FRMD4B: variants seen among roughly 807,000 people sequenced by gnomAD.
FRMD4B encodes FERM domain containing 4B.
FRMD4B carries 74 observed loss-of-function variants against 141.5 expected under a neutral mutation model. The observed-to-expected ratio is 0.52, with a 90% CI of 0.43 to 0.63. The LOEUF (loss-of-function observed/expected upper bound fraction) is 0.63. Ranked by LOEUF, FRMD4B falls within the 30% of genes least tolerant of loss-of-function variation. The probability of loss-of-function intolerance (pLI) is 0.00; values close to 1 mark genes in which losing one functional copy is unlikely to be tolerated. For synonymous variants in FRMD4B, 506 were observed against 467.9 expected (o/e 1.08, Z -1.05); for missense variants, 1,366 against 1,253.4 (o/e 1.09, Z -1.36).
At chr3:69,474,875 G>A (rs1410356697) in intron 1 of FRMD4B, among the ~76,000 whole-genome samples, 1 of 152,136 alleles carries the variant, frequency 6.6e-6, no homozygotes, top group Non-Finnish European at 1.5e-5. Context: ...GCTATCAAAG[G>A]GGAAAGAGAG....
At chr3:69,197,116 G>T in intron 12 of FRMD4B, 78 bp from the exon 13 acceptor site, 1 of 1,214,630 alleles carries the variant, frequency 8.2e-7, no homozygotes, top group Non-Finnish European at 1.2e-6. Context: ...GAGCAGCATT[G>T]TAACAAAGCA....
rs1015649797 is a variant in FRMD4B at position 69,180,594 on chromosome 3, CAAAAACA to C, written c.2851+298_2851+304del. Among the ~76,000 whole-genome samples the C allele has an allele frequency of 3.3e-5, 5 of 150,856 alleles. No individual in the cohort carries two copies. The South Asian group carries it at 8.5e-4, about 26-fold the overall frequency. ...TAGGCGACAGAGTGAGACTCCTTCT[CAAAAACA>C]AAAAACAAAAAACAAAAAAAAACCC... On this transcript the variant is annotated intron_variant, in intron 21 of 22. Coordinates refer to ENST00000398540, the MANE Select transcript of FRMD4B (RefSeq NM_015123.3).
chr3:69,224,810 A>G (rs2093234482), intron 7 of FRMD4B, 120 bp from the exon 8 acceptor site: 1 of 645,748 alleles, frequency 1.5e-6, no homozygotes. Flanking sequence ...GCCAACATAC[A>G]CATGGTTATG....
intron 1 of FRMD4B, among the ~76,000 whole-genome samples, chr3:69,461,516 C>G (rs964904178): frequency 6.7e-6 from 1 of 149,886 alleles, no homozygotes; most frequent in African/African-American, 2.5e-5. Context: ...CCCACCCACT[C>G]GAGCAGCTGA....
intron 2 of FRMD4B, among the ~76,000 whole-genome samples, chr3:69,427,544 C>T (rs1029006732): frequency 6.7e-6 from 1 of 149,904 alleles, no homozygotes; most frequent in Non-Finnish European, 1.5e-5. Context: ...CCTTTCAGAG[C>T]TCTTCTCTGA....
At chr3:69,378,977 G>A (rs1704044804) in intron 1 of FRMD4B, among the ~76,000 whole-genome samples, 1 of 152,038 alleles carries the variant, frequency 6.6e-6, no homozygotes. Context: ...GTCTGGTTTA[G>A]ACTCCCTCCA....
At chr3:69,396,803 C>T (rs2314980) in intron 2 of FRMD4B, among the ~76,000 whole-genome samples, 96,672 of 152,048 alleles carry the variant, frequency 0.64, 31,220 homozygotes, top group East Asian at 0.7. Context: ...AGAATTACCA[C>T]GTGATCCAGC....
intron 1 of FRMD4B, among the ~76,000 whole-genome samples, chr3:69,345,860 G>C (rs1702920424): frequency 6.6e-6 from 1 of 152,098 alleles, no homozygotes; most frequent in African/African-American, 2.4e-5. Flanking sequence ...ACCAAAGGTA[G>C]ACAAAACCAC....
At chr3:69,388,066 C>G (rs981053), upstream of FRMD4B, among the ~76,000 whole-genome samples, 23,654 of 151,444 alleles carry the variant, frequency 0.16, 2,008 homozygotes, top group Admixed American at 0.23. Context: ...CCTATTAGTA[C>G]GAGCAAATGG....
At position 69,189,900 on chromosome 3, in the gene FRMD4B, A is replaced by G; in HGVS notation, c.1767T>C (p.Asp589=). The G allele has an allele frequency of 6.3e-7, 1 of 1,586,310 alleles. No individual in the cohort carries two copies. The highest frequency in any genetic ancestry group is 8.7e-7 in the Non-Finnish European group (1 of 1,155,348). The change falls in exon 18 of 23, where the codon GAT becomes GAC. Residue 589 remains aspartate, a synonymous_variant. Coordinates refer to ENST00000398540, the MANE Select transcript of FRMD4B (RefSeq NM_015123.3). The part of the protein sequence containing the change: ...SSSLSDTTTY[D]DPSDAFTFPG... ...AAAAAAGGAAGAGCCACTTACGATC[A>G]TCATAGGTGGTGGTGTCAGACAAAG...
At chr3:69,175,743 G>A (rs1290379802) in intron 22 of FRMD4B, among the ~76,000 whole-genome samples, 5 of 151,540 alleles carry the variant, frequency 3.3e-5, no homozygotes, top group Non-Finnish European at 5.9e-5. Context: ...TTAGATGAGG[G>A]GTTAGCAAAC....
chr3:69,396,407 A>C (rs930414895), intron 2 of FRMD4B, among the ~76,000 whole-genome samples: 2 of 152,098 alleles, frequency 1.3e-5, no homozygotes, highest in Non-Finnish European at 2.9e-5. Flanking sequence ...TGGCAGGGTG[A>C]GGCAGGAGAA....
intron 1 of FRMD4B, among the ~76,000 whole-genome samples, chr3:69,512,509 G>T (rs1706705896): frequency 6.6e-6 from 1 of 152,168 alleles, no homozygotes. Flanking sequence ...GAGAAGCAGA[G>T]AATCTAGGGC....
chr3:69,335,395 C>CA (rs1170404538), intron 1 of FRMD4B, among the ~76,000 whole-genome samples: 1 of 128,360 alleles, frequency 7.8e-6, no homozygotes, highest in East Asian at 2.3e-4. Flanking sequence ...TTTTCCGAGA[C>CA]AGAGTCTTGA....
At chr3:69,211,905 T>C (rs778674284) in intron 11 of FRMD4B, among the ~76,000 whole-genome samples, 6 of 152,096 alleles carry the variant, frequency 3.9e-5, no homozygotes, top group Non-Finnish European at 7.4e-5. Flanking sequence ...GAGAGGGACT[T>C]GTAAAACAGC....
At chr3:69,237,431 T>TTC (rs1472950676) in intron 7 of FRMD4B, among the ~76,000 whole-genome samples, 8 of 152,266 alleles carry the variant, frequency 5.3e-5, no homozygotes, top group African/African-American at 1.9e-4. Flanking sequence ...ATATAAGCCT[T>TTC]TCTCCTGGCC....
chr3:69,279,227 A>G (rs1343231844), intron 5 of FRMD4B, among the ~76,000 whole-genome samples: 3 of 152,194 alleles, frequency 2.0e-5, no homozygotes, highest in Non-Finnish European at 2.9e-5. Context: ...TAGGAATGCA[A>G]TGATGTTTTA....
intron 1 of FRMD4B, among the ~76,000 whole-genome samples, chr3:69,503,118 T>A (rs1455033650): frequency 2.0e-5 from 3 of 152,144 alleles, no homozygotes; most frequent in East Asian, 1.9e-4. Flanking sequence ...ATTGTGGAAG[T>A]CAGTGTGGCG....
intron 1 of FRMD4B, among the ~76,000 whole-genome samples, chr3:69,490,260 TAA>T (rs547815679): frequency 1.6e-4 from 24 of 152,216 alleles, no homozygotes; most frequent in Non-Finnish European, 3.4e-4. Context: ...AATGAAAGCT[TAA>T]AAAGTTTCAT....
Sources: gnomAD v4.1 joint callset for allele counts (sites outside exome capture counted in the v4.1 genomes callset) on GRCh38, gnomAD v4.1.1 for gene constraint, MANE v1.5 for transcripts, NCBI Gene and HGNC (gene_info 2026-07-23, HGNC 2026-07-21) for gene names.